Variants in ZNF385D observed in about 807,000 individuals in gnomAD.
ZNF385D encodes the protein zinc finger protein 385D.
Under a neutral mutation model 35.8 loss-of-function variants are expected in ZNF385D, and 15 were observed. That is an observed-to-expected ratio of 0.42 (90% CI 0.28 to 0.64). The LOEUF (loss-of-function observed/expected upper bound fraction) is 0.64, where lower values mean the gene tolerates loss of function less well. Among genes scored for constraint, ZNF385D ranks in the 30% least tolerant of loss-of-function variants. The probability of loss-of-function intolerance (pLI) is 0.23; values close to 1 mark genes in which losing one functional copy is unlikely to be tolerated. For missense variants in ZNF385D, 474 were observed against 494.6 expected, an observed-to-expected ratio of 0.96 and a Z score of 0.39; for synonymous variants, 212 against 186.8, an observed-to-expected ratio of 1.13 and a Z score of -1.10.
At chr3:21,791,284 TAAC>T (rs995626014) in intron 3 of ZNF385D, among the ~76,000 whole-genome samples, 27 of 152,216 alleles carry the variant, frequency 1.8e-4, no homozygotes, top group Admixed American at 1.0e-3. Context: ...GGGCCATTTT[TAAC>T]AACAACAATA....
At chr3:21,653,623 A>G (rs976734819) in intron 2 of ZNF385D, among the ~76,000 whole-genome samples, 8 of 152,074 alleles carry the variant, frequency 5.3e-5, no homozygotes, top group African/African-American at 1.7e-4. Context: ...CAAAATAATT[A>G]TTTATCTGCC....
intron 3 of ZNF385D, among the ~76,000 whole-genome samples, chr3:22,131,887 T>A (rs564056659): frequency 1.3e-5 from 2 of 152,142 alleles, no homozygotes; most frequent in Non-Finnish European, 2.9e-5. Flanking sequence ...TATGATTATT[T>A]TGTAGCATTA....
At chr3:22,003,924 G>A (rs1413155055) in intron 3 of ZNF385D, among the ~76,000 whole-genome samples, 3 of 148,104 alleles carry the variant, frequency 2.0e-5, no homozygotes, top group Admixed American at 2.0e-4. Context: ...AACCACAAAA[G>A]ACCCCAAATA....
intron 1 of ZNF385D, among the ~76,000 whole-genome samples, chr3:21,743,683 A>C (rs1171920806): frequency 6.6e-6 from 1 of 152,166 alleles, no homozygotes; most frequent in East Asian, 1.9e-4. Flanking sequence ...GGCTTCATCT[A>C]AACTTAATTA....
At chr3:21,710,311 A>T (rs1024764590) in intron 1 of ZNF385D, among the ~76,000 whole-genome samples, 14 of 152,162 alleles carry the variant, frequency 9.2e-5, no homozygotes, top group African/African-American at 3.4e-4. Context: ...ATAGATAGAT[A>T]CTTGCTTTTT....
intron 3 of ZNF385D, among the ~76,000 whole-genome samples, chr3:21,956,976 T>A (rs1291154689): frequency 3.9e-5 from 6 of 151,958 alleles, no homozygotes; most frequent in African/African-American, 7.3e-5. Flanking sequence ...TTCCGACGTG[T>A]TGTGGGAGGG....
chr3:22,312,371 G>A lies in ZNF385D; in HGVS notation c.106+60079C>T, dbSNP rs531983454. On this transcript the variant is annotated intron_variant, in intron 2 of 5. Transcript: ENST00000494108. Reference sequence around the variant, plus strand: ...AACAAAACTGTGTTCAAAATACTCCGAAACCCCATAGTCTCACTAAGATGT... The same window carrying A: ...AACAAAACTGTGTTCAAAATACTCCAAAACCCCATAGTCTCACTAAGATGT... Among the ~76,000 whole-genome samples, 59 of 152,108 alleles carry A rather than the reference G, an allele frequency of 3.9e-4. No homozygotes were observed. In the South Asian group the frequency reaches 8.5e-3, roughly 22 times the overall value.
At chr3:22,031,547 G>T (rs1271526215) in intron 3 of ZNF385D, among the ~76,000 whole-genome samples, 1 of 152,162 alleles carries the variant, frequency 6.6e-6, no homozygotes, top group African/African-American at 2.4e-5. Flanking sequence ...CGGCTGAGAT[G>T]CAGGGCACCA....
intron 3 of ZNF385D, among the ~76,000 whole-genome samples, chr3:21,858,055 G>C (rs1575788303): frequency 6.6e-6 from 1 of 151,594 alleles, no homozygotes; most frequent in Non-Finnish European, 1.5e-5. Flanking sequence ...CCAGCTACTC[G>C]GGAGGCTGAG....
At chr3:21,948,680 TTC>T (rs1386436449) in intron 3 of ZNF385D, among the ~76,000 whole-genome samples, 5 of 138,698 alleles carry the variant, frequency 3.6e-5, no homozygotes, top group African/African-American at 1.4e-4. Flanking sequence ...TACACTTGCC[TTC>T]TCTGTTTTCC....
chr3:22,233,086 G>C (rs1418511214), intron 2 of ZNF385D, among the ~76,000 whole-genome samples: 1 of 151,466 alleles, frequency 6.6e-6, no homozygotes, highest in Non-Finnish European at 1.5e-5. Context: ...AATTTTTTTT[G>C]TTTTTAGTAT....
intron 3 of ZNF385D, among the ~76,000 whole-genome samples, chr3:21,917,344 A>G (rs1700239300): frequency 6.6e-6 from 1 of 152,116 alleles, no homozygotes; most frequent in African/African-American, 2.4e-5. Context: ...AGGCAAGAGA[A>G]TCGCTTGAAC....
chr3:21,513,297 C>G (rs927496837), intron 3 of ZNF385D, among the ~76,000 whole-genome samples: 3 of 151,994 alleles, frequency 2.0e-5, no homozygotes, highest in Admixed American at 2.0e-4. Flanking sequence ...AACCAATTCC[C>G]TCTAACAAGT....
At chr3:21,715,920 A>G (rs2125430698) in intron 1 of ZNF385D, among the ~76,000 whole-genome samples, 1 of 152,218 alleles carries the variant, frequency 6.6e-6, no homozygotes, top group African/African-American at 2.4e-5. Context: ...GCATGTCCAA[A>G]ACCAAACTCC....
chr3:21,882,842 G>C (rs530290016), intron 3 of ZNF385D, among the ~76,000 whole-genome samples: 1 of 152,030 alleles, frequency 6.6e-6, no homozygotes, highest in East Asian at 1.9e-4. Context: ...AGCTACTTGA[G>C]CACTTTCCCA....
intron 6 of ZNF385D, among the ~76,000 whole-genome samples, chr3:21,424,988 G>T (rs1157452087): frequency 6.6e-6 from 1 of 152,140 alleles, no homozygotes; most frequent in Non-Finnish European, 1.5e-5. Context: ...AACACAACTT[G>T]ATTAGTCATT....
chr3:22,264,454 A>G (rs1461041424), intron 2 of ZNF385D, among the ~76,000 whole-genome samples: 1 of 152,008 alleles, frequency 6.6e-6, no homozygotes, highest in Non-Finnish European at 1.5e-5. Flanking sequence ...TGAATCTACA[A>G]TGCATGGGTC....
intron 4 of ZNF385D, among the ~76,000 whole-genome samples, chr3:21,444,080 C>CTTTTTT (rs11390309): frequency 6.8e-5 from 9 of 132,664 alleles, no homozygotes; most frequent in African/African-American, 2.6e-4. Flanking sequence ...GGATTTCCCT[C>CTTTTTT]TTTTTTTTTT....
chr3:21,569,366 C>A (rs1575208550), intron 2 of ZNF385D, among the ~76,000 whole-genome samples: 1 of 149,760 alleles, frequency 6.7e-6, no homozygotes, highest in South Asian at 2.1e-4. Flanking sequence ...TCTGTTTTAT[C>A]AGAGACTAGG....
Sources: gnomAD v4.1 joint callset for allele counts (sites outside exome capture counted in the v4.1 genomes callset) on GRCh38, gnomAD v4.1.1 for gene constraint, MANE v1.5 for transcripts, NCBI Gene and HGNC (gene_info 2026-07-23, HGNC 2026-07-21) for gene names.